SCFD2: variants seen among roughly 807,000 people sequenced by gnomAD.
SCFD2 encodes the protein sec1 family domain-containing protein 2.
Under a neutral mutation model 58.9 loss-of-function variants are expected in SCFD2, and 54 were observed. The observed-to-expected ratio is 0.92, with a 90% confidence interval of 0.74 to 1.15. The LOEUF is 1.15. Among genes scored for constraint, SCFD2 ranks in the 50% most tolerant of loss-of-function variants. SCFD2 has a pLI of 0.00. For synonymous variants in SCFD2, 321 were observed against 335.9 expected, an observed-to-expected ratio of 0.96 and a Z score of 0.49; for missense variants, 805 against 836.6, an observed-to-expected ratio of 0.96 and a Z score of 0.47.
intron 5 of SCFD2, among the ~76,000 whole-genome samples, chr4:53,098,483 A>ATT (rs1724730383): frequency 2.0e-5 from 3 of 152,032 alleles, no homozygotes; most frequent in Admixed American, 1.3e-4. Context: ...TTTCTTCTAG[A>ATT]TTTTGTAGTT....
chr4:53,111,789 A>C (rs1197525774), intron 5 of SCFD2, among the ~76,000 whole-genome samples: 2 of 152,164 alleles, frequency 1.3e-5, no homozygotes, highest in African/African-American at 4.8e-5. Flanking sequence ...TTTATAGCTT[A>C]TGCTGAAATA....
chr4:53,236,226 C>A (rs1187830120), intron 4 of SCFD2, among the ~76,000 whole-genome samples: 1 of 152,118 alleles, frequency 6.6e-6, no homozygotes, highest in Non-Finnish European at 1.5e-5. Flanking sequence ...CTACATCTTT[C>A]TCCCATGCTG....
chr4:52,926,391 G>C (rs301132), intron 5 of SCFD2, among the ~76,000 whole-genome samples: 44,648 of 151,390 alleles, frequency 0.29, 7,937 homozygotes, highest in East Asian at 0.53. Context: ...TACACACACA[G>C]ACACACACAC....
intron 5 of SCFD2, among the ~76,000 whole-genome samples, chr4:53,104,797 G>C (rs1019737100): frequency 2.6e-5 from 4 of 152,168 alleles, no homozygotes; most frequent in African/African-American, 9.7e-5. Flanking sequence ...CAGATGACCT[G>C]ACGTTTCCTC....
chr4:53,124,421 G>A (rs1725567755), intron 5 of SCFD2, among the ~76,000 whole-genome samples: 1 of 152,154 alleles, frequency 6.6e-6, no homozygotes, highest in African/African-American at 2.4e-5. Flanking sequence ...TCCTTCTCTT[G>A]TGAAGTTATT....
chr4:53,273,595 C>T (rs1221681227), intron 4 of SCFD2: 1 of 393,642 alleles, frequency 2.5e-6, no homozygotes, highest in Non-Finnish European at 4.5e-6. Context: ...GCTCAAAAAA[C>T]ATCCTTGGTA....
intron 4 of SCFD2, among the ~76,000 whole-genome samples, chr4:53,271,857 T>C (rs1731179081): frequency 6.6e-6 from 1 of 152,106 alleles, no homozygotes; most frequent in Non-Finnish European, 1.5e-5. Context: ...ACAAATGGGA[T>C]CTCATTAAAC....
chr4:53,285,465 T>C (rs1731635244), intron 3 of SCFD2, among the ~76,000 whole-genome samples: 1 of 152,082 alleles, frequency 6.6e-6, no homozygotes, highest in Non-Finnish European at 1.5e-5. Context: ...TAAAAACTGC[T>C]AGCCATATTA....
At chr4:52,967,661 A>G (rs1281695204) in intron 5 of SCFD2, among the ~76,000 whole-genome samples, 1 of 152,146 alleles carries the variant, frequency 6.6e-6, no homozygotes, top group South Asian at 2.1e-4. Context: ...TAAGACCACA[A>G]ATGCACATAT....
intron 4 of SCFD2, among the ~76,000 whole-genome samples, chr4:53,160,776 T>C (rs890577902): frequency 1.3e-5 from 2 of 152,024 alleles, no homozygotes; most frequent in African/African-American, 4.8e-5. Context: ...CACAGAAAGG[T>C]TAATCTCAAA....
chr4:53,007,495 G>C (rs17701663), intron 5 of SCFD2, among the ~76,000 whole-genome samples: 1,632 of 152,190 alleles, frequency 0.011, 14 homozygotes, highest in Non-Finnish European at 0.017. Context: ...CACTGTGAGA[G>C]GTAGCTTAGT....
At chr4:52,900,809 G>T (rs1054282509) in intron 7 of SCFD2, among the ~76,000 whole-genome samples, 2 of 152,192 alleles carry the variant, frequency 1.3e-5, no homozygotes. Context: ...CTTCCCTGTC[G>T]CTTTGTTTAC....
chr4:53,236,261 A>G (rs1729604509), intron 4 of SCFD2, among the ~76,000 whole-genome samples: 1 of 152,044 alleles, frequency 6.6e-6, no homozygotes, highest in Non-Finnish European at 1.5e-5. Context: ...TCGAACATCG[A>G]ACTCTCAAGT....
intron 4 of SCFD2, among the ~76,000 whole-genome samples, chr4:53,198,876 G>A (rs962205526): frequency 6.6e-6 from 1 of 152,050 alleles, no homozygotes; most frequent in African/African-American, 2.4e-5. Context: ...GAGCTAAACA[G>A]CATACATTTG....
chr4:53,300,212 T>G (rs1406519629), intron 3 of SCFD2, among the ~76,000 whole-genome samples: 1 of 152,048 alleles, frequency 6.6e-6, no homozygotes, highest in Non-Finnish European at 1.5e-5. Context: ...CCATCTCACG[T>G]GCAGAGACAC....
chr4:53,339,442 C>A (rs1577983631), intron 2 of SCFD2, among the ~76,000 whole-genome samples: 1 of 151,386 alleles, frequency 6.6e-6, no homozygotes, highest in Non-Finnish European at 1.5e-5. Context: ...TCTAGTGTAA[C>A]TACTGAAAAA....
chr4:53,039,768 T>C (rs1366817723), intron 5 of SCFD2, among the ~76,000 whole-genome samples: 6 of 152,174 alleles, frequency 3.9e-5, no homozygotes, highest in Non-Finnish European at 5.9e-5. Flanking sequence ...GATTCCATTT[T>C]ACAAATAAGG....
intron 4 of SCFD2, among the ~76,000 whole-genome samples, chr4:53,266,001 T>C (rs1008424657): frequency 1.3e-5 from 2 of 152,108 alleles, no homozygotes; most frequent in African/African-American, 2.4e-5. Flanking sequence ...TGCCTCAGGA[T>C]TGCAGGTGTG....
chr4:52,976,212 C>T (rs1721258132), intron 5 of SCFD2, among the ~76,000 whole-genome samples: 1 of 151,966 alleles, frequency 6.6e-6, no homozygotes, highest in Non-Finnish European at 1.5e-5. Flanking sequence ...TATTCGTGTA[C>T]AAATTTGAAG....
Sources: gnomAD v4.1 joint callset for allele counts (sites outside exome capture counted in the v4.1 genomes callset) on GRCh38, gnomAD v4.1.1 for gene constraint, MANE v1.5 for transcripts, NCBI Gene and HGNC (gene_info 2026-07-23, HGNC 2026-07-21) for gene names.